Variants in NR2C2 observed in about 807,000 individuals in gnomAD.
NR2C2 encodes Nuclear hormone receptor TR4.
In NR2C2, 6 loss-of-function variants were observed where a neutral mutation model predicts 62.9. The ratio of observed to expected loss-of-function variants is 0.10; its 90% CI spans 0.05 to 0.19. The LOEUF (loss-of-function observed/expected upper bound fraction) is 0.19. Ranked by LOEUF, NR2C2 falls within the 10% of genes least tolerant of loss-of-function variation. The pLI is 1.00. For synonymous variants in NR2C2, 272 were observed against 273.8 expected, an observed-to-expected ratio of 0.99 and a Z score of 0.07; for missense variants, 479 against 762.7, an observed-to-expected ratio of 0.63 and a Z score of 4.38.
At chr3:14,995,165 G>T (rs1045374627) in intron 1 of NR2C2, among the ~76,000 whole-genome samples, 1 of 150,610 alleles carries the variant, frequency 6.6e-6, no homozygotes, top group African/African-American at 2.4e-5. Flanking sequence ...CGCCTGGCTA[G>T]TTTTTTTAAT....
intron 1 of NR2C2, among the ~76,000 whole-genome samples, chr3:14,967,533 A>G (rs1193516830): frequency 1.3e-5 from 2 of 152,174 alleles, no homozygotes; most frequent in East Asian, 1.9e-4. Flanking sequence ...TTTGATTTTA[A>G]AAAACAATGT....
intron 3 of NR2C2, among the ~76,000 whole-genome samples, 193 bp downstream of exon 3, chr3:15,013,982 T>G (rs533820444): frequency 6.6e-6 from 1 of 152,116 alleles, no homozygotes; most frequent in Non-Finnish European, 1.5e-5. Context: ...GACAGTCAAC[T>G]ATAACACTCA....
rs1464636128 is a variant in NR2C2 at position 15,048,257 on chromosome 3, G to A, written c.*5249G>A. 1 of 152,626 alleles carries A rather than the reference G, an allele frequency of 6.6e-6. No individual in the cohort carries two copies. Among genetic ancestry groups the A allele is most frequent in the Non-Finnish European group, 1.5e-5 (1 of 68,056 alleles). 9.5% of individuals were successfully genotyped at this position (152,626 alleles called of 1,614,324 possible). A position where few individuals can be genotyped will look rare whatever the true frequency, so the allele number is the denominator to read the frequency against. On this transcript the variant is annotated 3_prime_UTR_variant, in exon 14 of 14. Transcript: ENST00000425241. ...TTCACTGGCCTCATCCCACAAGATT[G>A]TGCGACCTTTCCCCGTCATAGCCTG...
At position 15,005,916 on chromosome 3, in the gene NR2C2, T is replaced by C. The variant is rs554377568; in HGVS notation, c.72+1930T>C. On this transcript the variant is annotated intron_variant, in intron 2 of 13. Transcript: ENST00000425241. ...TGTTGATATATTTGGATTAATATCC[T>C]CCATTTAGGCTGGGTACAGTGGCTC... Among the ~76,000 whole-genome samples the C allele has an allele frequency of 5.9e-5, 9 of 152,244 alleles. No homozygotes were observed. The South Asian group carries it at 1.5e-3, about 25-fold the overall frequency.
chr3:15,045,262 C>G lies in NR2C2; in HGVS notation c.*2254C>G, dbSNP rs2042409813. On this transcript the variant is annotated 3_prime_UTR_variant, in exon 14 of 14. Transcript: ENST00000425241. ...CAGTTCCCTGGGAATACAAGCATAA[C>G]AGCTTTCAGATCCCAGTTCTTGGTG... 6.6e-6 allele frequency: 1 copy of G among 152,268 alleles called. No homozygotes were observed. The allele number at this position is 152,268 out of a possible 1,614,324, so 9.4% of individuals were successfully genotyped here.
intron 11 of NR2C2, among the ~76,000 whole-genome samples, chr3:15,035,798 G>A (rs531998198): frequency 6.6e-6 from 1 of 152,266 alleles, no homozygotes; most frequent in African/African-American, 2.4e-5. Flanking sequence ...AGGCCAAGGC[G>A]GGTGGACTGC....
chr3:14,989,577 A>T (rs892299353), intron 1 of NR2C2, among the ~76,000 whole-genome samples: 3 of 152,108 alleles, frequency 2.0e-5, no homozygotes, highest in African/African-American at 7.2e-5. Flanking sequence ...GAAGGATCAC[A>T]TGAGTTCAGG....
chr3:14,978,536 T>TCGTC lies in NR2C2; in HGVS notation c.-39-25338_-39-25335dup, dbSNP rs567149114. On this transcript the variant is annotated intron_variant, in intron 1 of 13. Transcript: ENST00000425241. ...TGAACCATTGTAAGTTGAGGACTGT[T>TCGTC]CGTCCATAGGTTTCCTTTCTGGAAA... 2.0e-5 allele frequency among the ~76,000 whole-genome samples: 3 copies of TCGTC among 152,326 alleles called. No individual in the cohort carries two copies. The South Asian group carries it at 6.2e-4, about 32-fold the overall frequency.
chr3:15,014,825 A>C (rs1189530879), intron 3 of NR2C2, among the ~76,000 whole-genome samples: 1 of 152,004 alleles, frequency 6.6e-6, no homozygotes, highest in East Asian at 1.9e-4. Context: ...GTAGTATTCC[A>C]CTCTGTATAT....
At position 15,046,483 on chromosome 3, in the gene NR2C2, T is replaced by A. The variant is rs560737538; in HGVS notation, c.*3475T>A. 1.3e-5 allele frequency: 2 copies of A among 152,392 alleles called. No homozygotes were observed. Among genetic ancestry groups the A allele is most frequent in the East Asian group, 3.9e-4 (2 of 5,192 alleles). The allele number at this position is 152,392 out of a possible 1,614,324, so 9.4% of individuals were successfully genotyped here. ...GGACTCTAGCTGTTTCTAGTGCTTT[T>A]ACTTTCATAGTCCTTTGAGGACATT... On this transcript the variant is annotated 3_prime_UTR_variant, in exon 14 of 14. Coordinates refer to ENST00000425241, the MANE Select transcript of NR2C2 (RefSeq NM_001291694.2).
intron 10 of NR2C2, among the ~76,000 whole-genome samples, chr3:15,033,354 G>A (rs1014706012): frequency 5.9e-5 from 9 of 152,130 alleles, no homozygotes; most frequent in East Asian, 1.9e-4. Context: ...GAATCCTCGC[G>A]TGGGTTTCAG....
chr3:15,009,072 A>G (rs1277745260), intron 2 of NR2C2, among the ~76,000 whole-genome samples: 1 of 147,158 alleles, frequency 6.8e-6, no homozygotes, highest in East Asian at 2.0e-4. Flanking sequence ...AATACAAAAA[A>G]TTAGCGGGGC....
At chr3:15,042,807 CT>C in intron 13 of NR2C2, 26 bp from the exon 14 acceptor site, 1 of 1,605,696 alleles carries the variant, frequency 6.2e-7, no homozygotes. Context: ...AAACAGTCTC[CT>C]TTTCTAATGA....
At chr3:15,041,566 T>TC (rs1329487224) in intron 13 of NR2C2, among the ~76,000 whole-genome samples, 8 of 152,300 alleles carry the variant, frequency 5.3e-5, no homozygotes, top group Middle Eastern at 6.8e-3. Context: ...AAAAGCACTA[T>TC]CCAGGGGCAG....
In NR2C2 at chr3:14,995,068, C is replaced by A. The variant is rs192472776; in HGVS notation, c.-39-8808C>A. On this transcript the variant is annotated intron_variant, in intron 1 of 13. Coordinates refer to ENST00000425241, the MANE Select transcript of NR2C2 (RefSeq NM_001291694.2). ...CAATCATAGCTCACTGCAGCCTTGA[C>A]CCTCCGGTCGAGTTGAACCCTCTGG... 2.1e-3 allele frequency among the ~76,000 whole-genome samples: 310 copies of A among 145,376 alleles called. 5 individuals are homozygous for A. The highest frequency in any genetic ancestry group is 7.5e-4 in the Non-Finnish European group (50 of 67,068).
intron 1 of NR2C2, among the ~76,000 whole-genome samples, chr3:15,001,570 G>A (rs2041004143): frequency 1.3e-5 from 2 of 151,366 alleles, no homozygotes; most frequent in Admixed American, 6.6e-5. Context: ...CCTGACCTCA[G>A]GTAATCCGCC....
intron 1 of NR2C2, among the ~76,000 whole-genome samples, chr3:14,961,960 TCA>T (rs2039699812): frequency 6.6e-6 from 1 of 152,208 alleles, no homozygotes; most frequent in Admixed American, 6.5e-5. Context: ...GTTTTGCTTC[TCA>T]CTTTGCCACT....
chr3:14,995,516 G>A (rs559026974), intron 1 of NR2C2, among the ~76,000 whole-genome samples: 11 of 152,082 alleles, frequency 7.2e-5, no homozygotes, highest in South Asian at 2.1e-4. Flanking sequence ...CCAGTACTTC[G>A]TTTCATTATT....
At chr3:14,988,561 G>A (rs567126171) in intron 1 of NR2C2, among the ~76,000 whole-genome samples, 1 of 152,310 alleles carries the variant, frequency 6.6e-6, no homozygotes, top group South Asian at 2.1e-4. Context: ...TTTAGTCTTG[G>A]AACTTTTTGC....
Sources: allele counts gnomAD v4.1 joint callset (sites outside exome capture counted in the v4.1 genomes callset), GRCh38; gene constraint gnomAD v4.1.1; transcripts MANE v1.5; gene names NCBI Gene and HGNC (gene_info 2026-07-23, HGNC 2026-07-21).